PLCXD3: variants seen among roughly 807,000 people sequenced by gnomAD.
PLCXD3 encodes the protein PI-PLC X domain-containing protein 3.
In PLCXD3, 19 loss-of-function variants were observed where a neutral mutation model predicts 25.5. The ratio of observed to expected loss-of-function variants is 0.75; its 90% CI spans 0.52 to 1.09. The LOEUF is 1.09. Ranked by LOEUF, PLCXD3 falls within the 50% of genes least tolerant of loss-of-function variation. PLCXD3 has a pLI of 0.00. For synonymous variants in PLCXD3, 174 were observed against 137.6 expected (o/e 1.26, Z -1.85); for missense variants, 411 against 388.1 (o/e 1.06, Z -0.50).
chr5:41,366,206 GAAGAGTCATAGCTATACAA>G (rs1177783501), intron 2 of PLCXD3, among the ~76,000 whole-genome samples: 1 of 151,938 alleles, frequency 6.6e-6, no homozygotes, highest in Non-Finnish European at 1.5e-5. Flanking sequence ...CAATTTTTAA[GAAGAGTCATAGCTATACAA>G]AAGCCCCCCA....
Position 41,471,515 on chromosome 5 carries a change from T to G in PLCXD3, c.103+38909A>C, listed in dbSNP as rs573662941. Among the ~76,000 whole-genome samples, 5 of 152,262 alleles carry G rather than the reference T, an allele frequency of 3.3e-5. No homozygotes were observed. In the East Asian group the frequency reaches 9.7e-4, roughly 29 times the overall value. Reference sequence around the variant, plus strand: ...ATCGCCCATCCCAGTGGTCAGAACTTGATTTCTGGCAAGTCTTGCCAATTC... The same window carrying G: ...ATCGCCCATCCCAGTGGTCAGAACTGGATTTCTGGCAAGTCTTGCCAATTC... On this transcript the variant is annotated intron_variant, in intron 1 of 2. Transcript: ENST00000377801.
At chr5:41,502,149 G>C (rs932517828) in intron 1 of PLCXD3, among the ~76,000 whole-genome samples, 1 of 152,060 alleles carries the variant, frequency 6.6e-6, no homozygotes, top group South Asian at 2.1e-4. Context: ...GAGTGGATGG[G>C]ATCCAGAACA....
intron 1 of PLCXD3, among the ~76,000 whole-genome samples, chr5:41,492,635 T>C (rs318047): frequency 0.21 from 32,467 of 152,070 alleles, 3,728 homozygotes; most frequent in African/African-American, 0.28. Context: ...TGTTCGTTTC[T>C]TTTTATTCTT....
intron 2 of PLCXD3, among the ~76,000 whole-genome samples, chr5:41,364,434 A>G (rs1282541649): frequency 1.3e-5 from 2 of 152,186 alleles, no homozygotes; most frequent in African/African-American, 4.8e-5. Flanking sequence ...TTTTGCCAGC[A>G]GAAAATCCTA....
chr5:41,377,226 A>G (rs1265907375), intron 2 of PLCXD3, among the ~76,000 whole-genome samples: 2 of 152,066 alleles, frequency 1.3e-5, no homozygotes, highest in Non-Finnish European at 2.9e-5. Flanking sequence ...TAGTACCTCC[A>G]CTTGGAGGTT....
intron 2 of PLCXD3, among the ~76,000 whole-genome samples, chr5:41,370,373 G>A (rs1238113129): frequency 6.6e-6 from 1 of 152,110 alleles, no homozygotes; most frequent in East Asian, 1.9e-4. Flanking sequence ...CAGGTATTCT[G>A]AGAAAATTTT....
chr5:41,331,374 C>A (rs995770288), intron 2 of PLCXD3, among the ~76,000 whole-genome samples: 1 of 152,242 alleles, frequency 6.6e-6, no homozygotes, highest in Admixed American at 6.5e-5. Context: ...ACCTAGGAAT[C>A]CAACTTACAA....
At chr5:41,348,052 G>A (rs763562772) in intron 2 of PLCXD3, among the ~76,000 whole-genome samples, 6 of 152,204 alleles carry the variant, frequency 3.9e-5, no homozygotes, top group Non-Finnish European at 7.3e-5. Context: ...TGGATATTTG[G>A]AGAAACAAAT....
At chr5:41,399,616 T>C (rs925902007) in intron 1 of PLCXD3, among the ~76,000 whole-genome samples, 1 of 152,078 alleles carries the variant, frequency 6.6e-6, no homozygotes, top group African/African-American at 2.4e-5. Flanking sequence ...CTTCCATAAA[T>C]AGTTCTGGGA....
chr5:41,361,322 T>C (rs1349404644), intron 2 of PLCXD3, among the ~76,000 whole-genome samples: 3 of 152,174 alleles, frequency 2.0e-5, no homozygotes, highest in African/African-American at 4.8e-5. Context: ...ATTTGCCCCA[T>C]ACCATGAGCT....
chr5:41,468,228 G>A (rs1012596371), intron 1 of PLCXD3, among the ~76,000 whole-genome samples: 3 of 151,904 alleles, frequency 2.0e-5, no homozygotes, highest in South Asian at 2.1e-4. Context: ...ATGTTGGCTA[G>A]GTTAGTCTCA....
At chr5:41,452,669 A>G (rs1747662523) in intron 1 of PLCXD3, among the ~76,000 whole-genome samples, 2 of 152,046 alleles carry the variant, frequency 1.3e-5, no homozygotes, top group Middle Eastern at 3.2e-3. Context: ...TTTCTGTATA[A>G]TCTACTTCAA....
At chr5:41,408,327 A>G (rs900689612) in intron 1 of PLCXD3, among the ~76,000 whole-genome samples, 10 of 152,232 alleles carry the variant, frequency 6.6e-5, no homozygotes, top group African/African-American at 2.2e-4. Context: ...TACTCATTAC[A>G]TTGCCTTCTT....
intron 1 of PLCXD3, among the ~76,000 whole-genome samples, chr5:41,430,200 G>T (rs888715630): frequency 6.6e-6 from 1 of 152,108 alleles, no homozygotes; most frequent in African/African-American, 2.4e-5. Context: ...AGTTTTATTT[G>T]TAAAGCACTT....
intron 1 of PLCXD3, among the ~76,000 whole-genome samples, chr5:41,490,229 G>T (rs1011982338): frequency 1.3e-5 from 2 of 152,162 alleles, no homozygotes; most frequent in Non-Finnish European, 2.9e-5. Flanking sequence ...TTATATGCTG[G>T]ATTACATTTA....
intron 1 of PLCXD3, among the ~76,000 whole-genome samples, chr5:41,429,013 T>C (rs1328863477): frequency 6.6e-6 from 1 of 152,166 alleles, no homozygotes; most frequent in African/African-American, 2.4e-5. Flanking sequence ...CGGCATCTAT[T>C]TTGAAGACGT....
intron 1 of PLCXD3, among the ~76,000 whole-genome samples, chr5:41,481,930 TAGA>T (rs1748423241): frequency 6.6e-6 from 1 of 152,182 alleles, no homozygotes; most frequent in Non-Finnish European, 1.5e-5. Context: ...ACTCTTTAAT[TAGA>T]TATTCAGAGC....
At chr5:41,372,306 A>T (rs1037062501) in intron 2 of PLCXD3, among the ~76,000 whole-genome samples, 3,233 of 125,228 alleles carry the variant, frequency 0.026, 40 homozygotes, top group African/African-American at 0.057. Context: ...TCTCACACAC[A>T]CACACACACA....
intron 1 of PLCXD3, among the ~76,000 whole-genome samples, chr5:41,491,710 A>G (rs1748700663): frequency 6.6e-6 from 1 of 151,550 alleles, no homozygotes; most frequent in Non-Finnish European, 1.5e-5. Context: ...GTCTCTTTTG[A>G]TCTTTGTTGG....
Sources: gnomAD v4.1 joint callset for allele counts (sites outside exome capture counted in the v4.1 genomes callset) on GRCh38, gnomAD v4.1.1 for gene constraint, MANE v1.5 for transcripts, NCBI Gene and HGNC (gene_info 2026-07-23, HGNC 2026-07-21) for gene names.